The following IMMP2L variants were observed in gnomAD, a reference collection of about 807,000 sequenced individuals.
IMMP2L encodes inner mitochondrial membrane peptidase subunit 2, also known as mitochondrial inner membrane protease subunit 2.
A neutral mutation model predicts 19.3 loss-of-function variants in IMMP2L; 18 were observed. That is an observed-to-expected ratio of 0.93 (90% CI 0.64 to 1.38). The LOEUF is 1.38. Ranked by LOEUF, IMMP2L falls within the 40% of genes most tolerant of loss-of-function variation. The probability of loss-of-function intolerance (pLI) is 0.00; values close to 1 mark genes in which losing one functional copy is unlikely to be tolerated. For missense variants in IMMP2L, 233 were observed against 218.2 expected (o/e 1.07, Z -0.43); for synonymous variants, 76 against 73.0 (o/e 1.04, Z -0.21).
chr7:111,095,460 ATATT>A (rs1193359818), intron 3 of IMMP2L, among the ~76,000 whole-genome samples: 1 of 151,992 alleles, frequency 6.6e-6, no homozygotes, highest in Non-Finnish European at 1.5e-5. Context: ...AAAAAGAGAA[ATATT>A]TATTCAGATA....
chr7:110,802,954 C>A (rs1801364447), intron 5 of IMMP2L, among the ~76,000 whole-genome samples: 1 of 152,032 alleles, frequency 6.6e-6, no homozygotes, highest in African/African-American at 2.4e-5. Context: ...GAAGGATAAA[C>A]ACAAATAAAT....
chr7:111,426,870 A>G (rs1226890538), intron 3 of IMMP2L, among the ~76,000 whole-genome samples: 1 of 151,154 alleles, frequency 6.6e-6, no homozygotes, highest in Non-Finnish European at 1.5e-5. Flanking sequence ...AAATAGTAGT[A>G]ATTAACAATA....
At chr7:110,665,865 T>A (rs1791413483) in intron 5 of IMMP2L, among the ~76,000 whole-genome samples, 4 of 152,234 alleles carry the variant, frequency 2.6e-5, no homozygotes, top group Admixed American at 2.6e-4. Flanking sequence ...CTATATTTCA[T>A]CTAATTGTGT....
chr7:111,184,429 G>A (rs1808049581), intron 3 of IMMP2L, among the ~76,000 whole-genome samples: 1 of 151,958 alleles, frequency 6.6e-6, no homozygotes. Flanking sequence ...TGAAGTCAGT[G>A]ACAATTATAT....
At chr7:110,725,469 C>G (rs1382493590) in intron 5 of IMMP2L, among the ~76,000 whole-genome samples, 1 of 151,744 alleles carries the variant, frequency 6.6e-6, no homozygotes, top group African/African-American at 2.4e-5. Context: ...ATGGTATTTT[C>G]CTTCGACATC....
chr7:111,487,367 T>G, intron 2 of IMMP2L, 26 bp from the exon 3 acceptor site: 2 of 1,283,350 alleles, frequency 1.6e-6, no homozygotes, highest in Non-Finnish European at 1.1e-6. Flanking sequence ...AAAGAGACAC[T>G]TCTATCATTT....
At chr7:111,315,213 G>A (rs780528608) in intron 3 of IMMP2L, among the ~76,000 whole-genome samples, 11 of 152,080 alleles carry the variant, frequency 7.2e-5, no homozygotes, top group South Asian at 4.2e-4. Context: ...GTAATTTTGC[G>A]TTAAGCTTCT....
chr7:110,980,117 C>T (rs1481931693), intron 3 of IMMP2L, among the ~76,000 whole-genome samples: 1 of 133,326 alleles, frequency 7.5e-6, no homozygotes, highest in African/African-American at 2.6e-5. Context: ...TGGTTCTATA[C>T]CTCTAGCACT....
At chr7:111,451,280 T>A (rs1056970458) in intron 3 of IMMP2L, among the ~76,000 whole-genome samples, 5 of 150,074 alleles carry the variant, frequency 3.3e-5, no homozygotes, top group African/African-American at 1.0e-4. Context: ...TATTGCGGCA[T>A]TATTCACAAT....
chr7:110,977,137 G>T (rs1228088865), intron 3 of IMMP2L, among the ~76,000 whole-genome samples: 1 of 151,888 alleles, frequency 6.6e-6, no homozygotes, highest in East Asian at 1.9e-4. Flanking sequence ...ATTTCTTACG[G>T]TCATTAATTC....
intron 2 of IMMP2L, among the ~76,000 whole-genome samples, chr7:111,507,905 T>A (rs932190829): frequency 6.6e-6 from 1 of 152,144 alleles, no homozygotes; most frequent in Middle Eastern, 3.2e-3. Context: ...AGTTTTTACA[T>A]GTACCCAGCT....
chr7:111,336,745 G>A (rs939046261), intron 3 of IMMP2L, among the ~76,000 whole-genome samples: 7 of 151,420 alleles, frequency 4.6e-5, no homozygotes, highest in African/African-American at 1.7e-4. Context: ...TTATTTTATA[G>A]TATTGATCAG....
At chr7:111,535,052 C>T (rs1283275945) in intron 1 of IMMP2L, among the ~76,000 whole-genome samples, 2 of 152,020 alleles carry the variant, frequency 1.3e-5, no homozygotes, top group Admixed American at 1.3e-4. Context: ...TAATAGTGCT[C>T]GTTTTTATGA....
intron 2 of IMMP2L, among the ~76,000 whole-genome samples, chr7:111,499,638 T>C (rs1299671817): frequency 2.0e-5 from 3 of 152,064 alleles, no homozygotes; most frequent in African/African-American, 4.8e-5. Flanking sequence ...AGCATAGAAG[T>C]CACTTGTCCA....
chr7:111,032,908 T>C (rs1041182077), intron 3 of IMMP2L, among the ~76,000 whole-genome samples: 1 of 151,936 alleles, frequency 6.6e-6, no homozygotes, highest in Non-Finnish European at 1.5e-5. Flanking sequence ...TCACCCGAGG[T>C]CCGGAGTTCG....
At chr7:111,429,915 T>G (rs1467852839) in intron 3 of IMMP2L, among the ~76,000 whole-genome samples, 2 of 151,942 alleles carry the variant, frequency 1.3e-5, no homozygotes, top group African/African-American at 4.9e-5. Flanking sequence ...CAGTATTATA[T>G]AGCAAGTATG....
chr7:111,431,441 A>G (rs1244798759), intron 3 of IMMP2L, among the ~76,000 whole-genome samples: 2 of 151,888 alleles, frequency 1.3e-5, no homozygotes, highest in Non-Finnish European at 2.9e-5. Flanking sequence ...TATAAACTCT[A>G]TAAGCAAGGA....
At chr7:111,062,757 G>A (rs1269456102) in intron 3 of IMMP2L, among the ~76,000 whole-genome samples, 1 of 152,198 alleles carries the variant, frequency 6.6e-6, no homozygotes, top group East Asian at 1.9e-4. Flanking sequence ...ATCCAGCAGA[G>A]CAGTCACATC....
chr7:111,454,254 C>A (rs1839483858), intron 3 of IMMP2L, among the ~76,000 whole-genome samples: 1 of 152,122 alleles, frequency 6.6e-6, no homozygotes, highest in Non-Finnish European at 1.5e-5. Context: ...ATCTCTGCCT[C>A]CAGAATAGCT....
Sources: gnomAD v4.1 joint callset for allele counts (sites outside exome capture counted in the v4.1 genomes callset) on GRCh38, gnomAD v4.1.1 for gene constraint, MANE v1.5 for transcripts, NCBI Gene and HGNC (gene_info 2026-07-23, HGNC 2026-07-21) for gene names.